Variants in DOP1A observed in about 807,000 individuals in gnomAD.
DOP1A encodes protein DOP1A.
Under a neutral mutation model 267.6 loss-of-function variants are expected in DOP1A, and 90 were observed. The observed-to-expected ratio is 0.34, with a 90% CI of 0.28 to 0.40. The LOEUF is 0.40. DOP1A is among the 10% of genes least tolerant of loss of function. The pLI, the probability that DOP1A is intolerant of heterozygous loss-of-function variation, is 1.00. For missense variants in DOP1A, 2,437 were observed against 2,900.4 expected, an observed-to-expected ratio of 0.84 and a Z score of 3.67; for synonymous variants, 932 against 999.1, an observed-to-expected ratio of 0.93 and a Z score of 1.27.
rs762832608 is a variant in DOP1A at position 83,125,742 on chromosome 6, A to G, written c.1719+9A>G. ...AGTGGGAAGACAAAAAGGTAATTTT[A>G]ACTATTATTTTTGGTATTAGACTGT... On this transcript the variant is annotated intron_variant, in intron 15 of 38. Transcript: ENST00000349129. The G allele has an allele frequency of 6.6e-5, 106 of 1,603,206 alleles. No individual in the cohort carries two copies. Among genetic ancestry groups the G allele is most frequent in the Non-Finnish European group, 8.9e-5 (104 of 1,171,282 alleles).
chr6:83,155,003 C>T (rs1422830300), intron 33 of DOP1A, among the ~76,000 whole-genome samples: 2 of 152,050 alleles, frequency 1.3e-5, no homozygotes. Flanking sequence ...AACAGTGGGC[C>T]ACGCATTGCG....
At chr6:83,104,987 A>G (rs1489609137) in intron 4 of DOP1A, among the ~76,000 whole-genome samples, 2 of 151,700 alleles carry the variant, frequency 1.3e-5, no homozygotes, top group Non-Finnish European at 2.9e-5. Flanking sequence ...CCTATTTAGA[A>G]CCTGTCTATG....
At chr6:83,145,443 GATC>G in intron 24 of DOP1A, 78 bp from the exon 25 acceptor site, 1 of 1,227,180 alleles carries the variant, frequency 8.1e-7, no homozygotes. Flanking sequence ...AAAAAGAAGA[GATC>G]ATAAAATACT....
rs564629178 is a variant in DOP1A at position 83,167,466 on chromosome 6, C to G, written c.7093-396C>G. On this transcript the variant is annotated intron_variant, in intron 38 of 38. Transcript: ENST00000349129. The stretch of plus-strand genomic sequence containing the variant: ...GATATATTATGAAATGTATAAAGCA[C>G]TTTGTTCCTTTTTTCTGTAGTAATT... 15 of 990,212 alleles carry G rather than the reference C, an allele frequency of 1.5e-5. No individual in the cohort carries two copies. The South Asian group carries it at 6.5e-4, about 43-fold the overall frequency. The allele number at this position is 990,212 out of a possible 1,614,324, so 61.3% of individuals were successfully genotyped here.
intron 3 of DOP1A, among the ~76,000 whole-genome samples, chr6:83,098,741 T>A (rs1771960894): frequency 6.6e-6 from 1 of 151,984 alleles, no homozygotes; most frequent in Non-Finnish European, 1.5e-5. Context: ...GCCTGGACAC[T>A]CTCTAATCAT....
intron 38 of DOP1A, 114 bp from the exon 39 acceptor site, chr6:83,167,748 A>G (rs1786137658): frequency 3.4e-5 from 49 of 1,449,054 alleles, no homozygotes; most frequent in Non-Finnish European, 4.1e-5. Context: ...TTAGAAACTT[A>G]ATGTCATTTG....
At chr6:83,150,533 C>T (rs911497918) in intron 27 of DOP1A, among the ~76,000 whole-genome samples, 1 of 152,070 alleles carries the variant, frequency 6.6e-6, no homozygotes, top group African/African-American at 2.4e-5. Context: ...TAAAATTTGT[C>T]AGTTTACCTT....
chr6:83,167,618 T>C (rs1786088574), intron 38 of DOP1A: 1 of 1,200,698 alleles, frequency 8.3e-7, no homozygotes, highest in Non-Finnish European at 1.0e-6. Context: ...TTCTGTTAAC[T>C]AAGCTTATCT....
rs116550675 is a variant in DOP1A, at chr6:83,127,725, T to C, written c.1720-1162T>C. On this transcript the variant is annotated intron_variant, in intron 15 of 38. Coordinates refer to ENST00000349129, the MANE Select transcript of DOP1A (RefSeq NM_015018.4). ...AATAGAAATGGATGGATTAGCAATA[T>C]ATTTAGGAGGAAAAATAGACTTAGT... is the stretch of plus-strand genomic sequence containing the variant. Among the ~76,000 whole-genome samples the C allele has an allele frequency of 3.8e-3, 584 of 152,188 alleles. 3 individuals are homozygous for C. Among genetic ancestry groups the C allele is most frequent in the African/African-American group, 0.014 (564 of 41,536 alleles).
intron 23 of DOP1A, 114 bp downstream of exon 23, chr6:83,140,517 C>A: frequency 1.1e-6 from 1 of 896,770 alleles, no homozygotes; most frequent in South Asian, 2.2e-5. Context: ...TGCTAATTAT[C>A]AAATAATTTT....
At position 83,137,060 on chromosome 6, in the gene DOP1A, AAGT is replaced by A. The variant is rs559557940; in HGVS notation, c.3131-110_3131-108del. 33 of 1,014,454 alleles carry A rather than the reference AAGT, an allele frequency of 3.3e-5. No individual in the cohort carries two copies. In the African/African-American group the frequency reaches 5.1e-4, roughly 16 times the overall value. The allele number at this position is 1,014,454 out of a possible 1,614,324, so 62.8% of individuals were successfully genotyped here. On this transcript the variant is annotated intron_variant, in intron 20 of 38. Transcript: ENST00000349129. Reference sequence around the variant, plus strand: ...ATAAAATGTAATTTTAGGAAAATATAAGTAGATGATGACACTAATGATTAAAAA... The same window carrying A: ...ATAAAATGTAATTTTAGGAAAATATAAGATGATGACACTAATGATTAAAAA...
intron 1 of DOP1A, among the ~76,000 whole-genome samples, chr6:83,093,745 A>C (rs1334575767): frequency 6.6e-6 from 1 of 152,116 alleles, no homozygotes; most frequent in African/African-American, 2.4e-5. Flanking sequence ...ATCTCTACTA[A>C]AAATACAAAA....
chr6:83,167,151 A>AC, intron 38 of DOP1A: 1 of 903,788 alleles, frequency 1.1e-6, no homozygotes, highest in Non-Finnish European at 1.3e-6. Flanking sequence ...ACTAAAAGGT[A>AC]GTTTTAGACT....
At chr6:83,086,368 A>T (rs956547090) in intron 1 of DOP1A, among the ~76,000 whole-genome samples, 2 of 152,252 alleles carry the variant, frequency 1.3e-5, no homozygotes, top group African/African-American at 4.8e-5. Context: ...CATCACAAAG[A>T]TCTTCATGAA....
chr6:83,077,806 GGAA>G (rs1199164112), intron 1 of DOP1A, among the ~76,000 whole-genome samples: 11 of 152,160 alleles, frequency 7.2e-5, no homozygotes, highest in Non-Finnish European at 1.6e-4. Context: ...GGGCCACATT[GGAA>G]GAAGAATTGT....
rs201628445 is a variant in DOP1A at position 83,138,201 on chromosome 6, G to A, written c.4159G>A (p.Ala1387Thr). 6.2e-7 allele frequency: 1 copy of A among 1,613,628 alleles called. No individual in the cohort carries two copies. Among genetic ancestry groups the A allele is most frequent in the African/African-American group, 1.3e-5 (1 of 74,964 alleles). The change falls in exon 21 of 39, where the codon GCC becomes ACC. Residue 1387 changes from alanine to threonine, a missense_variant. Physicochemically the swap from Ala to Thr is moderately conservative, Grantham distance 58 (BLOSUM62 0). This residue lies in a region of DOP1A where 878 missense variants were observed against 992.9 expected (regional missense o/e 0.88). Coordinates refer to ENST00000349129, the MANE Select transcript of DOP1A (RefSeq NM_015018.4). Reference protein sequence around the residue: ...DSSRTLYAFSAIKAILKTNPI... With the variant: ...DSSRTLYAFSTIKAILKTNPI... The stretch of plus-strand genomic sequence containing the variant: ...ATCCAGGACTTTGTATGCTTTCTCT[G>A]CCATCAAAGCCATCTTGAAAACTAA...
chr6:83,161,438 T>A (rs1334034629), intron 37 of DOP1A, among the ~76,000 whole-genome samples: 1 of 152,164 alleles, frequency 6.6e-6, no homozygotes, highest in East Asian at 1.9e-4. Flanking sequence ...AAAGTATCCA[T>A]GTAACTAAAA....
In DOP1A at chr6:83,129,264, T is replaced by C. The variant is rs1387583652; in HGVS notation, c.2097T>C (p.Phe699=). The C allele has an allele frequency of 3.1e-6, 5 of 1,612,600 alleles. No homozygotes were observed. The Middle Eastern group carries it at 8.3e-4, about 267-fold the overall frequency. The part of the protein sequence containing the change: ...INLYIIQNNS[F]SQSLATEHQG... ...TCTACATCATTCAGAATAACTCTTT[T>C]TCTCAGTCTTTGGCTACAGAACATC... The change falls in exon 16 of 39, where the codon TTT becomes TTC. Residue 699 remains phenylalanine (F), a synonymous_variant. Coordinates refer to ENST00000349129, the MANE Select transcript of DOP1A (RefSeq NM_015018.4).
chr6:83,126,572 G>C (rs578235189), intron 15 of DOP1A, among the ~76,000 whole-genome samples: 11 of 152,240 alleles, frequency 7.2e-5, no homozygotes, highest in Admixed American at 3.9e-4. Context: ...GTTGTGATAA[G>C]TGTACAAAGG....
Sources: allele counts gnomAD v4.1 joint callset (sites outside exome capture counted in the v4.1 genomes callset), GRCh38; gene constraint gnomAD v4.1.1; regional missense constraint gnomAD v4.1.1; transcripts MANE v1.5; gene names NCBI Gene and HGNC (gene_info 2026-07-23, HGNC 2026-07-21).